The following GRIN2B variants were observed in gnomAD, a reference collection of about 807,000 sequenced individuals.
The protein encoded by GRIN2B is glutamate ionotropic receptor NMDA type subunit 2B.
GRIN2B carries 5 observed loss-of-function variants against 114.5 expected under a neutral mutation model. The observed-to-expected ratio is 0.04, with a 90% CI of 0.02 to 0.09. The LOEUF is 0.09. Ranked by LOEUF, GRIN2B falls within the 10% of genes least tolerant of loss-of-function variation. The probability of loss-of-function intolerance (pLI) is 1.00; values close to 1 mark genes in which losing one functional copy is unlikely to be tolerated. For synonymous variants in GRIN2B, 787 were observed against 745.1 expected, an observed-to-expected ratio of 1.06 and a Z score of -0.92; for missense variants, 1,108 against 1,943.5, an observed-to-expected ratio of 0.57 and a Z score of 8.08.
chr12:13,880,977 G>A (rs1233893275), intron 2 of GRIN2B, among the ~76,000 whole-genome samples: 1 of 151,184 alleles, frequency 6.6e-6, no homozygotes, highest in Non-Finnish European at 1.5e-5. Flanking sequence ...TGCTTTGGCT[G>A]ACAAAGGGGT....
intron 3 of GRIN2B, among the ~76,000 whole-genome samples, chr12:13,850,652 A>G (rs1013518245): frequency 2.0e-5 from 3 of 152,170 alleles, no homozygotes; most frequent in African/African-American, 2.4e-5. Context: ...ATCAAGGTCA[A>G]CTGGGAAAGG....
intron 10 of GRIN2B, among the ~76,000 whole-genome samples, chr12:13,572,495 C>CTGA (rs1948719893): frequency 6.6e-6 from 1 of 152,150 alleles, no homozygotes; most frequent in Non-Finnish European, 1.5e-5. Context: ...TTGACCTTCC[C>CTGA]TGATGCACTG....
chr12:13,733,534 C>G (rs547787880), intron 4 of GRIN2B, among the ~76,000 whole-genome samples: 211 of 152,220 alleles, frequency 1.4e-3, no homozygotes, highest in African/African-American at 5.0e-3. Context: ...TTCTCTTTAT[C>G]AAGTGAATCA....
chr12:13,737,997 C>T (rs554926624), intron 4 of GRIN2B, among the ~76,000 whole-genome samples: 1 of 152,282 alleles, frequency 6.6e-6, no homozygotes, highest in Non-Finnish European at 1.5e-5. Context: ...TGGGCTCGGT[C>T]AGAACCACAA....
chr12:13,883,439 T>C (rs1475498696), intron 2 of GRIN2B, among the ~76,000 whole-genome samples: 2 of 152,200 alleles, frequency 1.3e-5, no homozygotes, highest in African/African-American at 4.8e-5. Context: ...GTTCTTTTTT[T>C]CCTTCCTTCT....
At chr12:13,841,457 G>C (rs912974304) in intron 3 of GRIN2B, among the ~76,000 whole-genome samples, 1 of 152,096 alleles carries the variant, frequency 6.6e-6, no homozygotes, top group African/African-American at 2.4e-5. Context: ...CCGCAATCCC[G>C]GAACCTCATC....
At chr12:13,974,990 G>A (rs190521452) in intron 2 of GRIN2B, among the ~76,000 whole-genome samples, 1 of 152,312 alleles carries the variant, frequency 6.6e-6, no homozygotes, top group Non-Finnish European at 1.5e-5. Context: ...GAATAAGAGA[G>A]CACAGAATGA....
chr12:13,963,504 G>T (rs1867734881), intron 2 of GRIN2B, among the ~76,000 whole-genome samples: 1 of 152,172 alleles, frequency 6.6e-6, no homozygotes, highest in Non-Finnish European at 1.5e-5. Flanking sequence ...TGAGAAATCG[G>T]CAGCGTTACT....
chr12:13,915,469 A>T (rs1044507645), intron 2 of GRIN2B, among the ~76,000 whole-genome samples: 1 of 152,120 alleles, frequency 6.6e-6, no homozygotes, highest in Admixed American at 6.6e-5. Context: ...GCTCCTGGCC[A>T]TTCAGGAAGT....
Position 13,860,526 on chromosome 12 carries a change from T to C in GRIN2B, c.411+5272A>G, listed in dbSNP as rs1865734807. On this transcript the variant is annotated intron_variant, in intron 3 of 13. Transcript: ENST00000609686. ...TTTTAATAGACACGGGGTTTCACCATGTTGGCCAGAATGGTCTCGAACTCC... is the reference window on the plus strand; with the variant it reads ...TTTTAATAGACACGGGGTTTCACCACGTTGGCCAGAATGGTCTCGAACTCC... 2.6e-5 allele frequency among the ~76,000 whole-genome samples: 4 copies of C among 152,240 alleles called. No homozygotes were observed. The South Asian group carries it at 8.3e-4, about 32-fold the overall frequency.
In GRIN2B at chr12:13,686,988, C is replaced by T. The variant is rs148540499; in HGVS notation, c.1011-11129G>A. On this transcript the variant is annotated intron_variant, in intron 4 of 13. Transcript: ENST00000609686. ...GTTAAAAAGAGTCTGGGTGCACCCC[C>T]CTCCCCGACCTTGCTTCTTCTCTCA... Among the ~76,000 whole-genome samples the T allele has an allele frequency of 7.6e-3, 1,153 of 152,194 alleles. 44 individuals are homozygous for T. Among genetic ancestry groups the T allele is most frequent in the Admixed American group, 0.069 (1,052 of 15,270 alleles).
At chr12:13,585,699 T>C (rs1187440244) in intron 10 of GRIN2B, among the ~76,000 whole-genome samples, 1 of 152,232 alleles carries the variant, frequency 6.6e-6, no homozygotes, top group East Asian at 1.9e-4. Flanking sequence ...CCCAGAACAC[T>C]CATAGGCTAT....
chr12:13,770,687 G>A (rs1305171635), intron 3 of GRIN2B, among the ~76,000 whole-genome samples: 1 of 152,068 alleles, frequency 6.6e-6, no homozygotes, highest in Non-Finnish European at 1.5e-5. Context: ...TAATGGACAG[G>A]CCCTGGTGTG....
At position 13,615,007 on chromosome 12, in the gene GRIN2B, G is replaced by A. The variant is rs1022311103; in HGVS notation, c.1654+107C>T. ...AGTCCCTGGCTGAGTTGAGCTCCTA[G>A]CAAACCACCTTCTAGCTGGAACAGC... On this transcript the variant is annotated intron_variant, in intron 8 of 13. Transcript: ENST00000609686. This position sits in a 1 kb window ranked among gnomAD's most constrained non-coding sequence, Gnocchi z 5.8. The A allele has an allele frequency of 1.2e-5, 13 of 1,051,366 alleles. No individual in the cohort carries two copies. The South Asian group carries it at 1.4e-4, about 11-fold the overall frequency. The allele number at this position is 1,051,366 out of a possible 1,614,324, so 65.1% of individuals were successfully genotyped here.
intron 4 of GRIN2B, among the ~76,000 whole-genome samples, chr12:13,696,811 A>T (rs1485642036): frequency 6.6e-6 from 1 of 152,188 alleles, no homozygotes; most frequent in Non-Finnish European, 1.5e-5. Flanking sequence ...CAGGGAGGGC[A>T]TACCTAACCA....
chr12:13,982,132 G>A (rs539341301), upstream of GRIN2B, among the ~76,000 whole-genome samples: 31 of 151,976 alleles, frequency 2.0e-4, no homozygotes, highest in African/African-American at 7.5e-4. Flanking sequence ...TGGTAAGGTG[G>A]ATGGAAGGGG....
chr12:13,697,334 G>A (rs1344147160), intron 4 of GRIN2B, among the ~76,000 whole-genome samples: 1 of 152,068 alleles, frequency 6.6e-6, no homozygotes, highest in Non-Finnish European at 1.5e-5. Flanking sequence ...ACAGTCTATT[G>A]AGTCTATCAG....
intron 2 of GRIN2B, among the ~76,000 whole-genome samples, chr12:13,966,091 G>A (rs1420468553): frequency 2.0e-5 from 3 of 152,132 alleles, no homozygotes; most frequent in African/African-American, 7.2e-5. Context: ...CCTCTTGACG[G>A]CATAATTTTG....
intron 4 of GRIN2B, among the ~76,000 whole-genome samples, chr12:13,690,310 CACACACAT>C (rs1192653103): frequency 1.1e-4 from 17 of 148,168 alleles, no homozygotes; most frequent in Admixed American, 1.0e-3. Context: ...CACACACACA[CACACACAT>C]GCACACGCAC....
Sources: allele counts gnomAD v4.1 joint callset (sites outside exome capture counted in the v4.1 genomes callset), GRCh38; gene constraint gnomAD v4.1.1; non-coding constraint Gnocchi (gnomAD v3.1); transcripts MANE v1.5; gene names NCBI Gene and HGNC (gene_info 2026-07-23, HGNC 2026-07-21).